The following FSD1L variants were observed in gnomAD, a reference collection of about 807,000 sequenced individuals.
FSD1L encodes fibronectin type III and SPRY domain containing 1 like, also known as FSD1-like protein.
Under a neutral mutation model 71.6 loss-of-function variants are expected in FSD1L, and 45 were observed. That is an observed-to-expected ratio of 0.63 (90% CI 0.49 to 0.81). The LOEUF is 0.81. Among genes scored for constraint, FSD1L ranks in the 30% least tolerant of loss-of-function variants. FSD1L has a pLI of 0.00. For missense variants in FSD1L, 561 were observed against 618.1 expected (o/e 0.91, Z 0.98); for synonymous variants, 197 against 207.2 (o/e 0.95, Z 0.42).
chr9:105,475,198 T>A (rs1382220291), intron 5 of FSD1L, among the ~76,000 whole-genome samples: 1 of 152,172 alleles, frequency 6.6e-6, no homozygotes, highest in Non-Finnish European at 1.5e-5. Flanking sequence ...CAAGTCAGTG[T>A]AACTAAATTG....
intron 7 of FSD1L, among the ~76,000 whole-genome samples, chr9:105,493,727 C>T (rs747640890): frequency 0.033 from 5,080 of 152,122 alleles, 122 homozygotes; most frequent in South Asian, 0.086. Context: ...ATTTGCTTGT[C>T]TGTAAAGTAT....
At chr9:105,544,684 A>C (rs1836859888) in intron 13 of FSD1L, among the ~76,000 whole-genome samples, 2 of 152,144 alleles carry the variant, frequency 1.3e-5, no homozygotes, top group Admixed American at 1.3e-4. Flanking sequence ...TAAATAGGGA[A>C]TCCTTTCCCC....
At chr9:105,486,792 T>C (rs1832579143) in intron 7 of FSD1L, among the ~76,000 whole-genome samples, 1 of 152,164 alleles carries the variant, frequency 6.6e-6, no homozygotes, top group Non-Finnish European at 1.5e-5. Context: ...GAAAAAAATA[T>C]ATGCATGTGG....
intron 7 of FSD1L, among the ~76,000 whole-genome samples, chr9:105,495,213 C>T (rs1166173567): frequency 2.0e-5 from 3 of 152,182 alleles, no homozygotes; most frequent in African/African-American, 7.2e-5. Flanking sequence ...GGCGGGTGCC[C>T]CTCCCCTAGC....
At chr9:105,525,540 T>C (rs1835455005) in intron 10 of FSD1L, 1 of 1,611,148 alleles carries the variant, frequency 6.2e-7, no homozygotes, top group African/African-American at 1.3e-5. Flanking sequence ...CATTTTATTA[T>C]TGCAGATTGC....
chr9:105,541,075 G>A (rs1365446533), intron 13 of FSD1L, among the ~76,000 whole-genome samples: 1 of 152,068 alleles, frequency 6.6e-6, no homozygotes, highest in East Asian at 1.9e-4. Context: ...ACTATAAGGA[G>A]AAAGTTTTCA....
chr9:105,500,004 T>C (rs979765388), intron 7 of FSD1L, among the ~76,000 whole-genome samples: 1 of 152,228 alleles, frequency 6.6e-6, no homozygotes, highest in African/African-American at 2.4e-5. Context: ...GTGCTTTTTA[T>C]CTTTAGCCTT....
intron 10 of FSD1L, chr9:105,523,703 A>G (rs1246468324): frequency 6.3e-7 from 1 of 1,598,498 alleles, no homozygotes; most frequent in Non-Finnish European, 8.6e-7. Flanking sequence ...ATGCATATAA[A>G]CTTATTGGTA....
upstream of FSD1L, among the ~76,000 whole-genome samples, chr9:105,444,365 T>C (rs79733634): frequency 0.012 from 1,798 of 152,338 alleles, 33 homozygotes; most frequent in African/African-American, 0.041. Context: ...AGTGACTCAC[T>C]GAAGGCTACG....
chr9:105,447,623 C>T (rs1829699930), upstream of FSD1L, among the ~76,000 whole-genome samples: 1 of 152,204 alleles, frequency 6.6e-6, no homozygotes, highest in Non-Finnish European at 1.5e-5. Flanking sequence ...TCCACCACAT[C>T]CCCTAAAGGT....
At chr9:105,500,147 T>A (rs190360267) in intron 7 of FSD1L, among the ~76,000 whole-genome samples, 2 of 152,262 alleles carry the variant, frequency 1.3e-5, no homozygotes, top group Non-Finnish European at 2.9e-5. Context: ...TAGCTGTTTT[T>A]AATTATTGGT....
At chr9:105,447,950 C>A (rs1464831845), upstream of FSD1L, 10 of 527,690 alleles carry the variant, frequency 1.9e-5, no homozygotes, top group South Asian at 1.6e-4. Context: ...GCGCTCCCCA[C>A]CCTCCACGGC....
upstream of FSD1L, among the ~76,000 whole-genome samples, chr9:105,443,326 C>CAGCTTTCATCTGT (rs368357858): frequency 3.7e-5 from 4 of 106,808 alleles, no homozygotes; most frequent in Non-Finnish European, 1.7e-5. Context: ...AGATGAAAGA[C>CAGCTTTCATCTGT]AGCTTTCATC....
intron 1 of FSD1L, among the ~76,000 whole-genome samples, chr9:105,454,800 C>T (rs1215494353): frequency 6.6e-6 from 1 of 152,200 alleles, no homozygotes; most frequent in Non-Finnish European, 1.5e-5. Context: ...CAGCATTCCC[C>T]AGCCAGTTCT....
intron 7 of FSD1L, among the ~76,000 whole-genome samples, chr9:105,493,648 C>T (rs1833124124): frequency 6.6e-6 from 1 of 152,144 alleles, no homozygotes; most frequent in Non-Finnish European, 1.5e-5. Flanking sequence ...CTGGTTTTTC[C>T]TTTCCATGTT....
chr9:105,450,702 T>A (rs1829941354), intron 1 of FSD1L, among the ~76,000 whole-genome samples: 3 of 151,490 alleles, frequency 2.0e-5, no homozygotes, highest in African/African-American at 7.3e-5. Flanking sequence ...CCTGGCTAAT[T>A]TTTGTATTTT....
chr9:105,519,811 T>G (rs972548547), intron 10 of FSD1L, among the ~76,000 whole-genome samples: 23 of 151,992 alleles, frequency 1.5e-4, no homozygotes, highest in African/African-American at 5.1e-4. Context: ...CCCCGGCCTG[T>G]GGCGGCGAGC....
At chr9:105,497,817 C>T (rs1374468170) in intron 7 of FSD1L, among the ~76,000 whole-genome samples, 1 of 151,894 alleles carries the variant, frequency 6.6e-6, no homozygotes, top group African/African-American at 2.4e-5. Context: ...TCCCTCTTTT[C>T]AGTTTCATTG....
intron 10 of FSD1L, chr9:105,521,169 A>G (rs1835127557): frequency 1.2e-6 from 2 of 1,614,078 alleles, no homozygotes; most frequent in Non-Finnish European, 1.7e-6. Context: ...TGTTATTGTC[A>G]TTCGTTGGCT....
Sources: gnomAD v4.1 joint callset for allele counts (sites outside exome capture counted in the v4.1 genomes callset) on GRCh38, gnomAD v4.1.1 for gene constraint, MANE v1.5 for transcripts, NCBI Gene and HGNC (gene_info 2026-07-23, HGNC 2026-07-21) for gene names.